TAP2: variants seen among roughly 807,000 people sequenced by gnomAD.
The protein encoded by TAP2 is transporter 2, ATP binding cassette subfamily B member.
Under a neutral mutation model 74.7 loss-of-function variants are expected in TAP2, and 49 were observed. The observed-to-expected ratio is 0.66, with a 90% CI of 0.52 to 0.83. The LOEUF is 0.83. TAP2 is among the 40% of genes least tolerant of loss of function. The pLI is 0.00. For synonymous variants in TAP2, 306 were observed against 368.4 expected, an observed-to-expected ratio of 0.83 and a Z score of 1.94; for missense variants, 739 against 859.0, an observed-to-expected ratio of 0.86 and a Z score of 1.75.
chr6:32,823,291 T>C (rs559917065), downstream of TAP2, among the ~76,000 whole-genome samples: 1 of 152,322 alleles, frequency 6.6e-6, no homozygotes, highest in African/African-American at 2.4e-5. Flanking sequence ...AGTACATTTC[T>C]GAATATTTTC....
At position 32,838,186 on chromosome 6, in the gene TAP2, G is replaced by A; in HGVS notation, c.48C>T (p.Asp16=). 1.3e-6 allele frequency: 2 copies of A among 1,593,380 alleles called. No individual in the cohort carries two copies. The highest frequency in any genetic ancestry group is 3.4e-5 in the Admixed American group (2 of 58,070). ...CCTGAAGCAGCCACAGTAAAGCCGC[G>A]TCCACCAGCAGCAGGGAGGTCCAGG... ...LRPWTSLLLV[D]AALLWLLQGP... The change falls in exon 2 of 12, where the codon GAC becomes GAT. Residue 16 remains aspartate, a synonymous_variant. Coordinates refer to ENST00000374897, the MANE Select transcript of TAP2 (RefSeq NM_001290043.2).
rs1303010285 is a variant in TAP2, at chr6:32,826,141, C to T, written c.*2765G>A. ...TCTTTGTTTTCCTTATTCCCTAGTCCTTTCCCCACAAAATTCTGACAATTA... is the reference window on the plus strand; with the variant it reads ...TCTTTGTTTTCCTTATTCCCTAGTCTTTTCCCCACAAAATTCTGACAATTA... On this transcript the variant is annotated 3_prime_UTR_variant, in exon 12 of 12. Coordinates refer to ENST00000374897, the MANE Select transcript of TAP2 (RefSeq NM_001290043.2). 5.1e-6 allele frequency: 5 copies of T among 985,310 alleles called. No individual in the cohort carries two copies. Among genetic ancestry groups the T allele is most frequent in the Non-Finnish European group, 6.0e-6 (5 of 829,942 alleles). The allele number at this position is 985,310 out of a possible 1,614,324, so 61.0% of individuals were successfully genotyped here. A position where few individuals can be genotyped will look rare whatever the true frequency, so the allele number is the denominator to read the frequency against.
chr6:32,837,700 C>G (rs1456587832), intron 2 of TAP2, 41 bp downstream of exon 2: 2 of 1,614,148 alleles, frequency 1.2e-6, no homozygotes, highest in African/African-American at 2.7e-5. Flanking sequence ...TGCCCAGGCC[C>G]TTTTACCACC....
chr6:32,832,181 T>G lies in TAP2; in HGVS notation c.1272+152A>C. 1 of 1,025,208 alleles carries G rather than the reference T, an allele frequency of 9.8e-7. No individual in the cohort carries two copies. The highest frequency in any genetic ancestry group is 1.4e-6 in the Non-Finnish European group (1 of 691,942). 63.5% of individuals were successfully genotyped at this position (1,025,208 alleles called of 1,614,324 possible). On this transcript the variant is annotated intron_variant, in intron 7 of 11. Coordinates refer to ENST00000374897, the MANE Select transcript of TAP2 (RefSeq NM_001290043.2). This position sits in a 1 kb window ranked among gnomAD's most constrained non-coding sequence, Gnocchi z 5.9. The stretch of plus-strand genomic sequence containing the variant: ...TTTGTAATATTATTTTGTCTCATTT[T>G]TGGCATATGTTTAAAATTCTCCATA...
chr6:32,837,404 A>C (rs1477568114), intron 3 of TAP2, 133 bp downstream of exon 3: 11 of 742,534 alleles, frequency 1.5e-5, no homozygotes, highest in African/African-American at 3.5e-5. Context: ...CAGAATGGTG[A>C]CTACATTCAC....
chr6:32,825,133 C>CAT (rs28986262), downstream of TAP2, among the ~76,000 whole-genome samples: 751 of 130,534 alleles, frequency 5.8e-3, 11 homozygotes, highest in Non-Finnish European at 9.0e-3. Context: ...TGGTTATATA[C>CAT]ATATATATAT....
chr6:32,826,972 G>A lies in TAP2; in HGVS notation c.*1934C>T. The A allele has an allele frequency of 1.0e-6, 1 of 985,340 alleles. No homozygotes were observed. Among genetic ancestry groups the A allele is most frequent in the Non-Finnish European group, 1.2e-6 (1 of 829,910 alleles). 61.0% of individuals were successfully genotyped at this position (985,340 alleles called of 1,614,324 possible). A position where few individuals can be genotyped will look rare whatever the true frequency, so the allele number is the denominator to read the frequency against. The stretch of plus-strand genomic sequence containing the variant: ...AGGCCAGAGTTCTTTCTCTCCAAAT[G>A]CCTATTTTACCCTCTGTGAAATTTG... On this transcript the variant is annotated 3_prime_UTR_variant, in exon 12 of 12. Transcript: ENST00000374897.
Position 32,828,679 on chromosome 6 carries a change from C to CACCCCGCCA in TAP2, c.*226_*227insTGGCGGGGT. ...TAAGTTTCCTGGACACAGACAGCCC[C>CACCCCGCCA]CACCCCACCCCACCCCACCTCTCTA... On this transcript the variant is annotated 3_prime_UTR_variant, in exon 12 of 12. Transcript: ENST00000374897. The CACCCCGCCA allele has an allele frequency of 1.1e-6, 1 of 948,140 alleles. No homozygotes were observed. Among genetic ancestry groups the CACCCCGCCA allele is most frequent in the Non-Finnish European group, 1.3e-6 (1 of 788,692 alleles). The allele number at this position is 948,140 out of a possible 1,614,324, so 58.7% of individuals were successfully genotyped here.
At chr6:32,825,126 T>TTATACATATATATATATATA (rs1554230835), downstream of TAP2, among the ~76,000 whole-genome samples, 18 of 140,788 alleles carry the variant, frequency 1.3e-4, no homozygotes, top group Admixed American at 1.2e-3. Context: ...TGTCTGTTGG[T>TTATACATATATATATATATA]TATATACATA....
chr6:32,833,362 A>G (rs1274402676), intron 5 of TAP2, among the ~76,000 whole-genome samples: 1 of 152,250 alleles, frequency 6.6e-6, no homozygotes, highest in Admixed American at 6.5e-5. Flanking sequence ...GTGAAAAAGC[A>G]ACCATGAAAT....
chr6:32,832,068 T>G lies in TAP2; in HGVS notation c.1272+265A>C, dbSNP rs60045856. On this transcript the variant is annotated intron_variant, in intron 7 of 11. Coordinates refer to ENST00000374897, the MANE Select transcript of TAP2 (RefSeq NM_001290043.2). The surrounding 1 kb of genome is among the most constrained non-coding windows in gnomAD (Gnocchi z 5.9). Reference sequence around the variant, plus strand: ...ATCTTGGATTTGCTTCAGAATAATATGGGTGGGGGGAAGTGGCTGGGGATA... The same window carrying G: ...ATCTTGGATTTGCTTCAGAATAATAGGGGTGGGGGGAAGTGGCTGGGGATA... Among the ~76,000 whole-genome samples, 13,266 of 152,152 alleles carry G rather than the reference T, an allele frequency of 0.087. 662 individuals are homozygous for G. Among genetic ancestry groups the G allele is most frequent in the Non-Finnish European group, 0.1 (7,109 of 67,984 alleles).
Position 32,828,704 on chromosome 6 carries a change from A to AAC in TAP2, c.*201_*202insGT. On this transcript the variant is annotated 3_prime_UTR_variant, in exon 12 of 12. Transcript: ENST00000374897. ...CCACCCCACCCCACCCCACCTCTCT[A>AAC]CCCCACCAAAAGCACACAGTGTCCA... The AAC allele has an allele frequency of 1.2e-6, 1 of 806,174 alleles. No individual in the cohort carries two copies. Among genetic ancestry groups the AAC allele is most frequent in the Non-Finnish European group, 1.4e-6 (1 of 697,800 alleles). 49.9% of individuals were successfully genotyped at this position (806,174 alleles called of 1,614,324 possible). A position where few individuals can be genotyped will look rare whatever the true frequency, so the allele number is the denominator to read the frequency against.
At position 32,835,049 on chromosome 6, in the gene TAP2, A is replaced by T. The variant is rs1242061655; in HGVS notation, c.945+105T>A. On this transcript the variant is annotated intron_variant, in intron 5 of 11. Transcript: ENST00000374897. This position sits in a 1 kb window ranked among gnomAD's most constrained non-coding sequence, Gnocchi z 4.0. ...AATATACCTTCTCCCCTAATGGCTG[A>T]GAAGAGAACATCTCTCTCTAGGGGA... is the stretch of plus-strand genomic sequence containing the variant. 9 of 1,213,582 alleles carry T rather than the reference A, an allele frequency of 7.4e-6. No homozygotes were observed. The highest frequency in any genetic ancestry group is 1.1e-5 in the Non-Finnish European group (9 of 835,580). The allele number at this position is 1,213,582 out of a possible 1,614,324, so 75.2% of individuals were successfully genotyped here.
Position 32,835,004 on chromosome 6 carries a change from C to A in TAP2, c.945+150G>T. 4 of 815,122 alleles carry A rather than the reference C, an allele frequency of 4.9e-6. No individual in the cohort carries two copies. Among genetic ancestry groups the A allele is most frequent in the Non-Finnish European group, 8.1e-6 (4 of 492,892 alleles). 50.5% of individuals were successfully genotyped at this position (815,122 alleles called of 1,614,324 possible). ...ATCCATTGTTGGATGGCTGGACAAA[C>A]AAAATGTAGTATATACTACAATATA... On this transcript the variant is annotated intron_variant, in intron 5 of 11. Transcript: ENST00000374897. This position sits in a 1 kb window ranked among gnomAD's most constrained non-coding sequence, Gnocchi z 4.0.
In TAP2 at chr6:32,830,782, T is replaced by C. The variant is rs767342050; in HGVS notation, c.1297A>G (p.Met433Val). The change falls in exon 8 of 12, where the codon ATG (methionine) becomes GTG (valine). Residue 433 changes from methionine (M) to valine (V), a missense_variant. Transcript: ENST00000374897. ...TCTGCAGCTCCCACGTTGCTGAGCATATCCCCATATATGTATACCAGGGTC... is the reference window on the plus strand; with the variant it reads ...TCTGCAGCTCCCACGTTGCTGAGCACATCCCCATATATGTATACCAGGGTC... ...VQTLVYIYGD[M>V]LSNVGAAEKV... is the part of the protein sequence containing the mutation. 3.3e-5 allele frequency: 54 copies of C among 1,612,036 alleles called. No individual in the cohort carries two copies. Among genetic ancestry groups the C allele is most frequent in the Non-Finnish European group, 4.3e-5 (51 of 1,179,630 alleles).
chr6:32,827,208 C>T lies in TAP2; in HGVS notation c.*1698G>A. On this transcript the variant is annotated 3_prime_UTR_variant, in exon 12 of 12. Transcript: ENST00000374897. ...CCAGGAATATGAAGGTTTCTCTTTC[C>T]TAGAATAGCAACTTTCCAAGGTAAG... is the stretch of plus-strand genomic sequence containing the variant. 2.0e-6 allele frequency: 2 copies of T among 985,408 alleles called. No individual in the cohort carries two copies. Among genetic ancestry groups the T allele is most frequent in the Non-Finnish European group, 1.2e-6 (1 of 829,920 alleles). The allele number at this position is 985,408 out of a possible 1,614,324, so 61.0% of individuals were successfully genotyped here. A position where few individuals can be genotyped will look rare whatever the true frequency, so the allele number is the denominator to read the frequency against.
chr6:32,830,945 C>A, intron 7 of TAP2, 139 bp from the exon 8 acceptor site: 2 of 847,526 alleles, frequency 2.4e-6, no homozygotes, highest in Non-Finnish European at 3.9e-6. Context: ...TTTAAATGTA[C>A]AATTTGGACG....
intron 1 of TAP2, 85 bp from the exon 2 acceptor site, chr6:32,838,322 C>T (rs1055183696): frequency 1.4e-6 from 2 of 1,466,334 alleles, no homozygotes; most frequent in Admixed American, 5.1e-5. Context: ...CTCCGCCTAA[C>T]CCGTCCATCG....
intron 5 of TAP2, among the ~76,000 whole-genome samples, chr6:32,833,238 G>A (rs1274756882): frequency 6.6e-6 from 1 of 152,138 alleles, no homozygotes; most frequent in Non-Finnish European, 1.5e-5. Context: ...CATGCCACTA[G>A]ATTTGGCAGT....
Sources: allele counts gnomAD v4.1 joint callset (sites outside exome capture counted in the v4.1 genomes callset), GRCh38; gene constraint gnomAD v4.1.1; non-coding constraint Gnocchi (gnomAD v3.1); transcripts MANE v1.5; gene names NCBI Gene and HGNC (gene_info 2026-07-23, HGNC 2026-07-21).